FHIT: variants seen among roughly 807,000 people sequenced by gnomAD.
FHIT encodes bis(5'-adenosyl)-triphosphatase.
In FHIT, 19 loss-of-function variants were observed where a neutral mutation model predicts 17.9. That is an observed-to-expected ratio of 1.06 (90% CI 0.74 to 1.56). The LOEUF (loss-of-function observed/expected upper bound fraction) is 1.56, where lower values mean the gene tolerates loss of function less well. Among genes scored for constraint, FHIT ranks in the 40% most tolerant of loss-of-function variants. The probability of loss-of-function intolerance (pLI) is 0.00; values close to 1 mark genes in which losing one functional copy is unlikely to be tolerated. For missense variants in FHIT, 248 were observed against 189.2 expected, an observed-to-expected ratio of 1.31 and a Z score of -1.82; for synonymous variants, 81 against 69.7, an observed-to-expected ratio of 1.16 and a Z score of -0.81.
chr3:59,810,126 G>A (rs1209094992), intron 8 of FHIT, among the ~76,000 whole-genome samples: 1 of 152,132 alleles, frequency 6.6e-6, no homozygotes, highest in African/African-American at 2.4e-5. Context: ...CCTGGGGCCT[G>A]AGGAGGGTCT....
intron 5 of FHIT, among the ~76,000 whole-genome samples, chr3:60,362,950 C>G (rs1446571591): frequency 6.6e-6 from 1 of 152,050 alleles, no homozygotes; most frequent in East Asian, 1.9e-4. Flanking sequence ...GAAGGTATCC[C>G]CAGCCTTTTG....
intron 5 of FHIT, among the ~76,000 whole-genome samples, chr3:60,254,883 T>C (rs1175975792): frequency 6.6e-6 from 1 of 152,204 alleles, no homozygotes. Context: ...TTTTTGTTAT[T>C]CTTATGGTTG....
At chr3:60,924,930 G>A (rs886729941) in intron 3 of FHIT, among the ~76,000 whole-genome samples, 12 of 152,104 alleles carry the variant, frequency 7.9e-5, no homozygotes, top group South Asian at 2.1e-4. Context: ...CTCAGTAGCC[G>A]ATTCGATCAA....
intron 3 of FHIT, among the ~76,000 whole-genome samples, chr3:61,019,711 A>T (rs1398347047): frequency 6.6e-6 from 1 of 152,206 alleles, no homozygotes; most frequent in Non-Finnish European, 1.5e-5. Context: ...AACATTACAC[A>T]GGAACAAGCT....
intron 5 of FHIT, among the ~76,000 whole-genome samples, chr3:60,097,545 C>T (rs1352650527): frequency 6.6e-6 from 1 of 152,098 alleles, no homozygotes; most frequent in Admixed American, 6.5e-5. Flanking sequence ...GACAGCAACA[C>T]CAACCCCTCC....
intron 8 of FHIT, among the ~76,000 whole-genome samples, chr3:59,809,441 C>T (rs1013998754): frequency 6.6e-6 from 1 of 152,208 alleles, no homozygotes; most frequent in African/African-American, 2.4e-5. Context: ...GCATCTTGAA[C>T]TGGGAGGGAA....
intron 5 of FHIT, among the ~76,000 whole-genome samples, chr3:60,303,086 T>G (rs1423626270): frequency 2.0e-5 from 3 of 152,140 alleles, no homozygotes; most frequent in Non-Finnish European, 4.4e-5. Flanking sequence ...TTTAAAAATA[T>G]TGTCATCGAG....
At chr3:60,125,664 G>A (rs1160047941) in intron 5 of FHIT, among the ~76,000 whole-genome samples, 5 of 134,630 alleles carry the variant, frequency 3.7e-5, no homozygotes, top group Non-Finnish European at 4.8e-5. Flanking sequence ...ATGTGTTTGT[G>A]TATATATATG....
intron 8 of FHIT, among the ~76,000 whole-genome samples, chr3:59,758,072 C>A (rs943572476): frequency 6.6e-6 from 1 of 152,176 alleles, no homozygotes; most frequent in African/African-American, 2.4e-5. Context: ...TCAAAGTGTT[C>A]TTGGAGTATC....
intron 3 of FHIT, among the ~76,000 whole-genome samples, chr3:60,888,905 C>T (rs548882492): frequency 2.6e-5 from 4 of 152,326 alleles, no homozygotes; most frequent in African/African-American, 9.6e-5. Flanking sequence ...TTGATACAAT[C>T]CACCTCAGAT....
At chr3:60,186,680 C>G (rs1201004392) in intron 5 of FHIT, among the ~76,000 whole-genome samples, 2 of 151,990 alleles carry the variant, frequency 1.3e-5, no homozygotes, top group Admixed American at 1.3e-4. Flanking sequence ...GCCTCATTAG[C>G]TCTAGTAACA....
At chr3:60,965,744 C>A (rs1709703043) in intron 3 of FHIT, among the ~76,000 whole-genome samples, 1 of 152,208 alleles carries the variant, frequency 6.6e-6, no homozygotes, top group Non-Finnish European at 1.5e-5. Flanking sequence ...GCGGAGGCTG[C>A]AGAACAGCAA....
intron 2 of FHIT, among the ~76,000 whole-genome samples, chr3:61,114,532 T>G (rs2036245904): frequency 6.6e-6 from 1 of 152,028 alleles, no homozygotes; most frequent in African/African-American, 2.4e-5. Flanking sequence ...CTACTTCACA[T>G]AAGTGCTTGG....
chr3:59,854,921 T>C (rs1168711815), intron 8 of FHIT, among the ~76,000 whole-genome samples: 3 of 152,178 alleles, frequency 2.0e-5, no homozygotes, highest in Admixed American at 6.5e-5. Flanking sequence ...ATGGGCTCTG[T>C]TGGAATCCTT....
intron 3 of FHIT, among the ~76,000 whole-genome samples, chr3:60,960,346 G>A (rs1553780340): frequency 6.6e-6 from 1 of 152,056 alleles, no homozygotes; most frequent in African/African-American, 2.4e-5. Flanking sequence ...GCTCTTGGTT[G>A]GACTCTAAAT....
In FHIT at chr3:60,410,111, T is replaced by C. The variant is rs1434156732; in HGVS notation, c.103+126749A>G. 8.5e-5 allele frequency among the ~76,000 whole-genome samples: 13 copies of C among 152,152 alleles called. 1 individual carries two copies. The highest frequency in any genetic ancestry group is 8.5e-4 in the Admixed American group (13 of 15,266). ...ACCTGCTATTGTTTAACTGAAAGCA[T>C]AGGTAAAAGTTACAAAAAGTGATGC... On this transcript the variant is annotated intron_variant, in intron 5 of 9. Coordinates refer to ENST00000492590, the MANE Select transcript of FHIT (RefSeq NM_002012.4).
chr3:60,205,422 T>G (rs1703127455), intron 5 of FHIT, among the ~76,000 whole-genome samples: 1 of 152,214 alleles, frequency 6.6e-6, no homozygotes, highest in South Asian at 2.1e-4. Context: ...ATTCTGCATC[T>G]TGGCACAAGT....
At chr3:61,081,772 T>G (rs2035145777) in intron 2 of FHIT, among the ~76,000 whole-genome samples, 1 of 152,200 alleles carries the variant, frequency 6.6e-6, no homozygotes, top group Non-Finnish European at 1.5e-5. Flanking sequence ...TCATCTTAAC[T>G]AATTACATCT....
intron 5 of FHIT, among the ~76,000 whole-genome samples, chr3:60,360,840 A>G (rs1381764628): frequency 6.6e-6 from 1 of 152,048 alleles, no homozygotes; most frequent in African/African-American, 2.4e-5. Flanking sequence ...CCTCAACTTC[A>G]CCTTCAAAAC....
Sources: allele counts gnomAD v4.1 joint callset (sites outside exome capture counted in the v4.1 genomes callset), GRCh38; gene constraint gnomAD v4.1.1; transcripts MANE v1.5; gene names NCBI Gene and HGNC (gene_info 2026-07-23, HGNC 2026-07-21).